The following MTUS2 variants were observed in gnomAD, a reference collection of about 807,000 sequenced individuals.
The protein encoded by MTUS2 is microtubule-associated tumor suppressor candidate 2.
Under a neutral mutation model 114.1 loss-of-function variants are expected in MTUS2, and 40 were observed. The observed-to-expected ratio is 0.35, with a 90% confidence interval of 0.27 to 0.46. MTUS2 has a LOEUF of 0.46. MTUS2 is among the 20% of genes least tolerant of loss of function. The probability of loss-of-function intolerance (pLI) is 1.00; values close to 1 mark genes in which losing one functional copy is unlikely to be tolerated. For synonymous variants in MTUS2, 688 were observed against 672.0 expected (o/e 1.02, Z -0.37); for missense variants, 1,679 against 1,705.4 (o/e 0.98, Z 0.27).
chr13:28,851,772 G>A (rs1165111584), intron 2 of MTUS2, among the ~76,000 whole-genome samples: 2 of 10,078 alleles, frequency 2.0e-4, no homozygotes, highest in South Asian at 1.0e-3. Context: ...TTTCCGCCCC[G>A]GCCCTGTGGG....
chr13:28,882,759 A>G (rs1207169542), intron 2 of MTUS2, among the ~76,000 whole-genome samples: 1 of 152,144 alleles, frequency 6.6e-6, no homozygotes, highest in Non-Finnish European at 1.5e-5. Context: ...TTTTAAATAG[A>G]CAATCAAAAC....
intron 9 of MTUS2, among the ~76,000 whole-genome samples, chr13:29,470,263 A>C (rs892846339): frequency 6.6e-5 from 10 of 152,204 alleles, no homozygotes. Flanking sequence ...TACTATCACT[A>C]ATCATGAAAG....
chr13:29,163,477 AT>A (rs1893185393), intron 5 of MTUS2, among the ~76,000 whole-genome samples: 1 of 151,926 alleles, frequency 6.6e-6, no homozygotes, highest in African/African-American at 2.4e-5. Context: ...AGGAACACAC[AT>A]TTTTTTCCTT....
At chr13:29,428,338 C>T (rs1425283294) in intron 8 of MTUS2, among the ~76,000 whole-genome samples, 2 of 152,268 alleles carry the variant, frequency 1.3e-5, no homozygotes, top group Non-Finnish European at 2.9e-5. Flanking sequence ...CCCTTTCGGG[C>T]GTCCCCAGGC....
intron 9 of MTUS2, among the ~76,000 whole-genome samples, chr13:29,457,559 G>A (rs1019574814): frequency 1.3e-5 from 2 of 152,018 alleles, no homozygotes; most frequent in African/African-American, 4.8e-5. Context: ...TAGACATGTG[G>A]GTGGTTTCCA....
chr13:29,285,423 A>T (rs565411582), intron 6 of MTUS2, among the ~76,000 whole-genome samples: 16 of 152,296 alleles, frequency 1.1e-4, no homozygotes, highest in African/African-American at 3.4e-4. Context: ...GCCTCTTCTG[A>T]TGAATGAGTT....
chr13:28,877,331 AAG>A (rs1878007636), intron 2 of MTUS2, among the ~76,000 whole-genome samples: 2 of 151,646 alleles, frequency 1.3e-5, no homozygotes, highest in African/African-American at 4.8e-5. Context: ...AAAAAAAAAA[AAG>A]AAAAACAGAA....
intron 5 of MTUS2, among the ~76,000 whole-genome samples, chr13:29,219,730 C>G (rs2139316576): frequency 6.6e-6 from 1 of 152,326 alleles, no homozygotes; most frequent in Non-Finnish European, 1.5e-5. Flanking sequence ...CTTTCTGCCG[C>G]TTTTCCATCA....
intron 5 of MTUS2, among the ~76,000 whole-genome samples, chr13:29,115,486 C>G (rs533380687): frequency 1.3e-5 from 2 of 152,258 alleles, no homozygotes; most frequent in African/African-American, 4.8e-5. Flanking sequence ...CTGGAGTAAC[C>G]AATAACCAGA....
chr13:29,159,998 A>T (rs1164679852), intron 5 of MTUS2, among the ~76,000 whole-genome samples: 1 of 152,264 alleles, frequency 6.6e-6, no homozygotes, highest in Non-Finnish European at 1.5e-5. Context: ...CCAGGCATTT[A>T]TCCCAGAGCA....
At chr13:28,918,510 G>A (rs2935191) in intron 2 of MTUS2, among the ~76,000 whole-genome samples, 19,323 of 151,790 alleles carry the variant, frequency 0.13, 1,479 homozygotes, top group African/African-American at 0.2. Flanking sequence ...GTGGACATGG[G>A]ATATTTTTTT....
intron 2 of MTUS2, among the ~76,000 whole-genome samples, chr13:28,948,664 G>T (rs149142699): frequency 2.6e-5 from 4 of 152,144 alleles, no homozygotes; most frequent in African/African-American, 9.7e-5. Context: ...CTTAATAACC[G>T]TGTTGGCAAC....
chr13:29,261,965 T>G (rs994201387), intron 5 of MTUS2, among the ~76,000 whole-genome samples: 1 of 152,254 alleles, frequency 6.6e-6, no homozygotes, highest in Non-Finnish European at 1.5e-5. Context: ...CTTTGGTCTT[T>G]TAAGTAACTA....
intron 2 of MTUS2, among the ~76,000 whole-genome samples, chr13:28,961,026 G>A (rs988388699): frequency 6.6e-6 from 1 of 152,124 alleles, no homozygotes; most frequent in African/African-American, 2.4e-5. Context: ...CAGAGGAATG[G>A]AGGAGACAGA....
intron 4 of MTUS2, among the ~76,000 whole-genome samples, chr13:29,099,035 A>G (rs376008170): frequency 2.6e-5 from 4 of 152,216 alleles, no homozygotes; most frequent in African/African-American, 7.2e-5. Flanking sequence ...ATCGTCCACA[A>G]TCAATTTGTC....
chr13:29,118,973 C>T (rs1264118411), intron 5 of MTUS2, among the ~76,000 whole-genome samples: 3 of 152,162 alleles, frequency 2.0e-5, no homozygotes, highest in Non-Finnish European at 2.9e-5. Flanking sequence ...CCCTCGAACA[C>T]AAGTTTGCTT....
At chr13:29,352,320 G>A (rs572330364) in intron 7 of MTUS2, among the ~76,000 whole-genome samples, 17 of 152,272 alleles carry the variant, frequency 1.1e-4, no homozygotes, top group East Asian at 3.9e-4. Flanking sequence ...TCAGTCTTCC[G>A]TAGCTCCAGC....
chr13:29,421,855 C>T lies in MTUS2; in HGVS notation c.3118-18128C>T, dbSNP rs74042060. Among the ~76,000 whole-genome samples, 958 of 152,180 alleles carry T rather than the reference C, an allele frequency of 6.3e-3. 8 individuals are homozygous for T. Among genetic ancestry groups the T allele is most frequent in the African/African-American group, 0.022 (902 of 41,498 alleles). On this transcript the variant is annotated intron_variant, in intron 8 of 15. Transcript: ENST00000612955. ...AGAGTTTAAGCCAAGGAAACTTGAG[C>T]CTGACTACAATGACGGAGGGCAGGG...
chr13:29,190,460 G>A (rs1894401217), intron 5 of MTUS2, among the ~76,000 whole-genome samples: 1 of 152,202 alleles, frequency 6.6e-6, no homozygotes, highest in Non-Finnish European at 1.5e-5. Context: ...TCTGGAACTG[G>A]TAGCCCACAT....
Sources: allele counts gnomAD v4.1 joint callset (sites outside exome capture counted in the v4.1 genomes callset), GRCh38; gene constraint gnomAD v4.1.1; transcripts MANE v1.5; gene names NCBI Gene and HGNC (gene_info 2026-07-23, HGNC 2026-07-21).